The following GPHN variants were observed in gnomAD, a reference collection of about 807,000 sequenced individuals.
GPHN encodes gephyrin.
GPHN carries 17 observed loss-of-function variants against 95.5 expected under a neutral mutation model. The ratio of observed to expected loss-of-function variants is 0.18; its 90% CI spans 0.12 to 0.27. The LOEUF is 0.27. Among genes scored for constraint, GPHN ranks in the 10% least tolerant of loss-of-function variants. The probability of loss-of-function intolerance (pLI) is 1.00; values close to 1 mark genes in which losing one functional copy is unlikely to be tolerated. For missense variants in GPHN, 660 were observed against 978.1 expected, an observed-to-expected ratio of 0.67 and a Z score of 4.34; for synonymous variants, 320 against 322.5, an observed-to-expected ratio of 0.99 and a Z score of 0.08.
chr14:66,834,919 G>T (rs1399065468), intron 4 of GPHN, among the ~76,000 whole-genome samples: 2 of 141,666 alleles, frequency 1.4e-5, no homozygotes, highest in Non-Finnish European at 3.1e-5. Flanking sequence ...ATTGATTATT[G>T]CCACAATTTC....
chr14:67,130,109 C>T (rs1421261044), intron 17 of GPHN, among the ~76,000 whole-genome samples: 2 of 151,734 alleles, frequency 1.3e-5, no homozygotes, highest in African/African-American at 4.8e-5. Flanking sequence ...TATATATTTA[C>T]ATATTTTCTA....
chr14:66,819,687 T>A (rs1270462709), intron 3 of GPHN, among the ~76,000 whole-genome samples: 10 of 152,176 alleles, frequency 6.6e-5, no homozygotes, highest in Non-Finnish European at 4.4e-5. Flanking sequence ...TTTATTTTTT[T>A]AATGATACAT....
chr14:66,958,971 A>G (rs1228328351), intron 8 of GPHN, among the ~76,000 whole-genome samples: 1 of 151,878 alleles, frequency 6.6e-6, no homozygotes, highest in Non-Finnish European at 1.5e-5. Context: ...TCTCCTTGCT[A>G]CTTTTACTAA....
the GPHN span, among the ~76,000 whole-genome samples, chr14:67,193,058 C>CTA: frequency 8.3e-4 from 120 of 143,956 alleles, no homozygotes; most frequent in African/African-American, 2.8e-3. Context: ...AGATATATCT[C>CTA]TATATCTATA....
the GPHN span, chr14:67,647,053 A>C: frequency 2.1e-6 from 3 of 1,444,342 alleles, no homozygotes; most frequent in Non-Finnish European, 2.9e-6. Flanking sequence ...ATGTCAGGGC[A>C]AACCCCCAAT....
At chr14:66,513,772 A>C (rs2058135636) in intron 1 of GPHN, among the ~76,000 whole-genome samples, 1 of 151,874 alleles carries the variant, frequency 6.6e-6, no homozygotes, top group East Asian at 1.9e-4. Context: ...GAAATGTTTA[A>C]TGAAGTATTG....
At chr14:67,347,370 C>A in the GPHN span, 1 of 1,520,436 alleles carries the variant, frequency 6.6e-7, no homozygotes, top group Non-Finnish European at 9.1e-7. Context: ...AACAGGAAAT[C>A]CCAGAGACAC....
the GPHN span, among the ~76,000 whole-genome samples, chr14:67,487,488 C>A: frequency 6.6e-6 from 1 of 152,190 alleles, no homozygotes; most frequent in South Asian, 2.1e-4. Flanking sequence ...CATTCTCATT[C>A]AGCTTCAAAT....
chr14:66,647,443 A>C (rs1248117402), intron 1 of GPHN, among the ~76,000 whole-genome samples: 1 of 151,898 alleles, frequency 6.6e-6, no homozygotes, highest in Non-Finnish European at 1.5e-5. Context: ...TGAGATATTT[A>C]TTATTGAATA....
chr14:67,060,202 T>TA (rs144651116), intron 11 of GPHN, among the ~76,000 whole-genome samples: 174 of 136,056 alleles, frequency 1.3e-3, no homozygotes, highest in South Asian at 6.1e-3. Context: ...CATTCTAATT[T>TA]AAAAAAAAAA....
intron 1 of GPHN, among the ~76,000 whole-genome samples, chr14:66,644,906 C>T (rs1389671188): frequency 6.6e-6 from 1 of 151,910 alleles, no homozygotes; most frequent in African/African-American, 2.4e-5. Flanking sequence ...TTTATAATTG[C>T]ATATTTAAAA....
intron 1 of GPHN, among the ~76,000 whole-genome samples, chr14:66,634,853 G>A (rs2064013963): frequency 6.6e-6 from 1 of 152,194 alleles, no homozygotes; most frequent in Admixed American, 6.5e-5. Flanking sequence ...ATTGGGACAA[G>A]ATCACTAACT....
At chr14:67,641,095 T>C in the GPHN span, among the ~76,000 whole-genome samples, 4,392 of 152,274 alleles carry the variant, frequency 0.029, 227 homozygotes, top group African/African-American at 0.1. Flanking sequence ...TGCCAAACAA[T>C]CATATTGTCC....
the GPHN span, among the ~76,000 whole-genome samples, chr14:67,655,138 G>A: frequency 7.9e-5 from 12 of 151,392 alleles, no homozygotes; most frequent in Non-Finnish European, 1.8e-4. Flanking sequence ...CCAGGAGTTC[G>A]AGAGCAACTT....
intron 2 of GPHN, among the ~76,000 whole-genome samples, chr14:66,715,098 G>A (rs1010914560): frequency 1.3e-5 from 2 of 152,162 alleles, no homozygotes; most frequent in Non-Finnish European, 2.9e-5. Context: ...CTGTGAATCT[G>A]TCTGGTCCTG....
chr14:67,374,062 T>G, the GPHN span, among the ~76,000 whole-genome samples: 1 of 152,152 alleles, frequency 6.6e-6, no homozygotes, highest in Non-Finnish European at 1.5e-5. Context: ...TAATAAAAAT[T>G]TATTTCTGAA....
At chr14:67,104,432 A>G (rs1012810886) in intron 13 of GPHN, among the ~76,000 whole-genome samples, 4 of 152,316 alleles carry the variant, frequency 2.6e-5, no homozygotes, top group Middle Eastern at 3.4e-3. Context: ...GAGAAGAATT[A>G]GTATGAGTTC....
At chr14:67,144,044 TG>T (rs2080665981) in intron 18 of GPHN, among the ~76,000 whole-genome samples, 1 of 150,656 alleles carries the variant, frequency 6.6e-6, no homozygotes, top group African/African-American at 2.4e-5. Flanking sequence ...CAAGACCACC[TG>T]GGCGACGTGG....
At chr14:67,233,677 T>C in the GPHN span, among the ~76,000 whole-genome samples, 1 of 152,128 alleles carries the variant, frequency 6.6e-6, no homozygotes, top group African/African-American at 2.4e-5. Flanking sequence ...CAAAAGATGA[T>C]GATGGCCTGG....
Sources: gnomAD v4.1 joint callset for allele counts (sites outside exome capture counted in the v4.1 genomes callset) on GRCh38, gnomAD v4.1.1 for gene constraint, MANE v1.5 for transcripts, NCBI Gene and HGNC (gene_info 2026-07-23, HGNC 2026-07-21) for gene names.